IMPA2: variants seen among roughly 807,000 people sequenced by gnomAD.
IMPA2 encodes IMP 2.
A neutral mutation model predicts 35.1 loss-of-function variants in IMPA2; 32 were observed. The observed-to-expected ratio is 0.91, with a 90% CI of 0.69 to 1.23. IMPA2 has a LOEUF of 1.23. Ranked by LOEUF, IMPA2 falls within the 50% of genes most tolerant of loss-of-function variation. The pLI is 0.00. For missense variants in IMPA2, 334 were observed against 387.6 expected (o/e 0.86, Z 1.16); for synonymous variants, 135 against 160.6 (o/e 0.84, Z 1.20).
intron 2 of IMPA2, among the ~76,000 whole-genome samples, chr18:12,001,742 T>A (rs1907121807): frequency 6.6e-6 from 1 of 152,088 alleles, no homozygotes; most frequent in African/African-American, 2.4e-5. Context: ...GGATTATAGG[T>A]AGGGTGAGAC....
intron 1 of IMPA2, among the ~76,000 whole-genome samples, chr18:11,997,056 C>A (rs1906979561): frequency 6.6e-6 from 1 of 152,020 alleles, no homozygotes; most frequent in Non-Finnish European, 1.5e-5. Context: ...TCCCCCCATA[C>A]CACATGAACA....
intron 1 of IMPA2, among the ~76,000 whole-genome samples, chr18:11,992,622 C>T (rs1906848853): frequency 6.6e-6 from 1 of 152,156 alleles, no homozygotes; most frequent in Non-Finnish European, 1.5e-5. Context: ...TAACAGAATG[C>T]TACTGGAAGG....
chr18:12,008,809 TGTCTCG>T (rs1251176345), intron 2 of IMPA2, among the ~76,000 whole-genome samples: 1 of 152,066 alleles, frequency 6.6e-6, no homozygotes, highest in Non-Finnish European at 1.5e-5. Flanking sequence ...GAGAGAACAT[TGTCTCG>T]GTCAGGTTCC....
At chr18:11,994,367 C>T (rs1313357005) in intron 1 of IMPA2, 1 of 152,206 alleles carries the variant, frequency 6.6e-6, no homozygotes, top group African/African-American at 2.4e-5. Context: ...CAGAGAGAGA[C>T]CCTGTCTCAA....
chr18:11,982,970 A>C (rs1389326897), intron 1 of IMPA2, among the ~76,000 whole-genome samples: 1 of 152,148 alleles, frequency 6.6e-6, no homozygotes, highest in Non-Finnish European at 1.5e-5. Context: ...CTTAAATTTG[A>C]AGTGAGTCGT....
chr18:11,986,327 G>C (rs28509217), intron 1 of IMPA2, among the ~76,000 whole-genome samples: 16,093 of 152,092 alleles, frequency 0.11, 1,049 homozygotes, highest in East Asian at 0.28. Flanking sequence ...GCAAACCATT[G>C]CCTGTCTCCA....
intron 1 of IMPA2, 123 bp downstream of exon 1, chr18:11,981,888 C>T: frequency 5.7e-6 from 3 of 528,058 alleles, no homozygotes; most frequent in Middle Eastern, 5.6e-4. Context: ...CACCCGAGGG[C>T]GCGGGGCGCG....
At position 11,982,850 on chromosome 18, in the gene IMPA2, G is replaced by C. The variant is rs565553882; in HGVS notation, c.96+1085G>C. Among the ~76,000 whole-genome samples the C allele has an allele frequency of 3.3e-5, 5 of 151,762 alleles. No homozygotes were observed. In the South Asian group the frequency reaches 8.3e-4, roughly 25 times the overall value. On this transcript the variant is annotated intron_variant, in intron 1 of 7. Transcript: ENST00000269159. ...GGATTTTAGAGACAGGAGGTGTGCT[G>C]AGAGCAGATTGGCCTTTTATATTCA...
chr18:11,985,085 A>G lies in IMPA2; in HGVS notation c.96+3320A>G, dbSNP rs550310286. Among the ~76,000 whole-genome samples the G allele has an allele frequency of 1.1e-4, 16 of 145,518 alleles. No individual in the cohort carries two copies. In the South Asian group the frequency reaches 3.8e-3, roughly 34 times the overall value. ...CTAGAACCTGGGATGTGGAGGATGC[A>G]GTGGTGAGCCTAGGTTGCACCACTG... On this transcript the variant is annotated intron_variant, in intron 1 of 7. Coordinates refer to ENST00000269159, the MANE Select transcript of IMPA2 (RefSeq NM_014214.3).
chr18:12,013,670 T>A (rs1056391179), intron 4 of IMPA2, among the ~76,000 whole-genome samples: 2 of 152,196 alleles, frequency 1.3e-5, no homozygotes, highest in African/African-American at 4.8e-5. Flanking sequence ...CACGCTGACC[T>A]CTTCCTTTTG....
chr18:12,015,935 C>T (rs1193406487), intron 5 of IMPA2, among the ~76,000 whole-genome samples: 2 of 152,198 alleles, frequency 1.3e-5, no homozygotes, highest in Non-Finnish European at 2.9e-5. Flanking sequence ...AGTCAGGCTG[C>T]AACTCTGCGT....
chr18:12,020,008 T>A (rs1456961310), intron 5 of IMPA2, among the ~76,000 whole-genome samples: 1 of 152,116 alleles, frequency 6.6e-6, no homozygotes, highest in African/African-American at 2.4e-5. Context: ...CCTGAGTAGC[T>A]AGGATTACAG....
At position 12,020,823 on chromosome 18, in the gene IMPA2, G is replaced by A. The variant is rs76577900; in HGVS notation, c.490+6450G>A. Among the ~76,000 whole-genome samples, 857 of 151,938 alleles carry A rather than the reference G, an allele frequency of 5.6e-3. 11 individuals are homozygous for A. Among genetic ancestry groups the A allele is most frequent in the African/African-American group, 0.017 (696 of 41,438 alleles). On this transcript the variant is annotated intron_variant, in intron 5 of 7. Coordinates refer to ENST00000269159, the MANE Select transcript of IMPA2 (RefSeq NM_014214.3). ...GATTTGGATTATGCTCTTTTTTCCT[G>A]ATATTCTTTATTACTCCTATTTTGT... is the stretch of plus-strand genomic sequence containing the variant.
chr18:12,026,214 A>T (rs1246839431), intron 5 of IMPA2, among the ~76,000 whole-genome samples: 1 of 151,646 alleles, frequency 6.6e-6, no homozygotes, highest in Non-Finnish European at 1.5e-5. Flanking sequence ...TGCATTTTTA[A>T]TAGAGATGGG....
rs562490046 is a variant in IMPA2 at position 11,991,139 on chromosome 18, G to C, written c.97-7915G>C. 1.3e-5 allele frequency among the ~76,000 whole-genome samples: 2 copies of C among 152,306 alleles called. No individual in the cohort carries two copies. The highest frequency in any genetic ancestry group is 6.5e-5 in the Admixed American group (1 of 15,298). ...GGGAGATGAGCCGCAGAATGGTGGG[G>C]AGATAGGAGGAAAGCCACGAGGGGA... is the stretch of plus-strand genomic sequence containing the variant. On this transcript the variant is annotated intron_variant, in intron 1 of 7. Transcript: ENST00000269159. This position sits in a 1 kb window ranked among gnomAD's most constrained non-coding sequence, Gnocchi z 4.1.
intron 7 of IMPA2, 135 bp downstream of exon 7, chr18:12,029,128 T>TC: frequency 1.1e-6 from 1 of 884,602 alleles, no homozygotes; most frequent in Non-Finnish European, 1.7e-6. Context: ...TTTTTTTTTT[T>TC]TTTTTGAGAC....
In IMPA2 at chr18:12,030,379, C is replaced by T. The variant is rs776968481; in HGVS notation, c.788C>T (p.Ala263Val). 1.4e-5 allele frequency: 22 copies of T among 1,614,088 alleles called. No individual in the cohort carries two copies. The highest frequency in any genetic ancestry group is 1.2e-4 in the Admixed American group (7 of 60,012). ...GACCTCATGGCTTGCAGAGTGGTTG[C>T]GGCCAGCACCCGGGAGATGGCGATG... ...PLDLMACRVV[A>V]ASTREMAMLI... The change falls in exon 8 of 8, where the codon GCG (alanine) becomes GTG (valine). Residue 263 changes from alanine (A) to valine (V), a missense_variant. Coordinates refer to ENST00000269159, the MANE Select transcript of IMPA2 (RefSeq NM_014214.3).
In IMPA2 at chr18:12,016,571, C is replaced by T. The variant is rs542185166; in HGVS notation, c.490+2198C>T. Among the ~76,000 whole-genome samples, 4 of 152,192 alleles carry T rather than the reference C, an allele frequency of 2.6e-5. No homozygotes were observed. The South Asian group carries it at 6.2e-4, about 24-fold the overall frequency. Reference sequence around the variant, plus strand: ...AGCAGCTGGGATTACAGGTGCGCACCACCACACCTGACTAATTTTGTATTT... The same window carrying T: ...AGCAGCTGGGATTACAGGTGCGCACTACCACACCTGACTAATTTTGTATTT... On this transcript the variant is annotated intron_variant, in intron 5 of 7. Transcript: ENST00000269159.
chr18:12,018,948 C>T (rs915551830), intron 5 of IMPA2, among the ~76,000 whole-genome samples: 1 of 151,980 alleles, frequency 6.6e-6, no homozygotes, highest in Non-Finnish European at 1.5e-5. Context: ...CTCAGCCTCC[C>T]AAGTAGCTAG....
Sources: allele counts gnomAD v4.1 joint callset (sites outside exome capture counted in the v4.1 genomes callset), GRCh38; gene constraint gnomAD v4.1.1; non-coding constraint Gnocchi (gnomAD v3.1); transcripts MANE v1.5; gene names NCBI Gene and HGNC (gene_info 2026-07-23, HGNC 2026-07-21).